The following PARP4 variants were observed in gnomAD, a reference collection of about 807,000 sequenced individuals.
PARP4 encodes the protein protein mono-ADP-ribosyltransferase PARP4.
PARP4 carries 120 observed loss-of-function variants against 187.7 expected under a neutral mutation model. The ratio of observed to expected loss-of-function variants is 0.64; its 90% CI spans 0.55 to 0.74. The LOEUF (loss-of-function observed/expected upper bound fraction) is 0.74, where lower values mean the gene tolerates loss of function less well. PARP4 is among the 30% of genes least tolerant of loss of function. The pLI is 0.00. For synonymous variants in PARP4, 654 were observed against 740.9 expected (o/e 0.88, Z 1.90); for missense variants, 1,836 against 2,070.5 (o/e 0.89, Z 2.20).
intron 20 of PARP4, among the ~76,000 whole-genome samples, chr13:24,458,504 G>C (rs1259354605): frequency 1.3e-5 from 2 of 151,966 alleles, no homozygotes; most frequent in Non-Finnish European, 2.9e-5. Context: ...TTGATCCAAG[G>C]AGGTCAAGGA....
At chr13:24,507,533 C>A (rs1869777460) in intron 1 of PARP4, among the ~76,000 whole-genome samples, 1 of 152,156 alleles carries the variant, frequency 6.6e-6, no homozygotes, top group South Asian at 2.1e-4. Flanking sequence ...CCCTGCACCC[C>A]CATCTCCTTC....
At chr13:24,452,925 T>A (rs1015235162) in intron 23 of PARP4, among the ~76,000 whole-genome samples, 7 of 139,202 alleles carry the variant, frequency 5.0e-5, no homozygotes, top group African/African-American at 1.8e-4. Flanking sequence ...TTTATTATTA[T>A]TTCATTTTAT....
At chr13:24,464,187 AG>A (rs1872342817) in intron 17 of PARP4, among the ~76,000 whole-genome samples, 1 of 152,232 alleles carries the variant, frequency 6.6e-6, no homozygotes, top group Non-Finnish European at 1.5e-5. Flanking sequence ...GCTCATGGAT[AG>A]GAAGAATCAA....
intron 6 of PARP4, among the ~76,000 whole-genome samples, 157 bp from the exon 7 acceptor site, chr13:24,494,879 C>CTTTTTTTTTTT (rs139965809): frequency 1.4e-5 from 2 of 146,540 alleles, no homozygotes; most frequent in African/African-American, 5.0e-5. Flanking sequence ...TTTTCTTTTT[C>CTTTTTTTTTTT]TTTTTTTTTT....
At chr13:24,456,560 A>C (rs1871865373) in intron 20 of PARP4, 82 bp from the exon 21 acceptor site, 1 of 1,297,370 alleles carries the variant, frequency 7.7e-7, no homozygotes, top group Non-Finnish European at 1.1e-6. Flanking sequence ...TCATGGAGCA[A>C]ACCCTTGCAT....
chr13:24,456,934 A>C (rs1189035421), intron 20 of PARP4, among the ~76,000 whole-genome samples: 1 of 152,060 alleles, frequency 6.6e-6, no homozygotes, highest in Non-Finnish European at 1.5e-5. Context: ...AACAAAAAAA[A>C]CAAAATAACA....
intron 1 of PARP4, among the ~76,000 whole-genome samples, chr13:24,507,011 C>CTG (rs1869737382): frequency 6.6e-6 from 1 of 152,222 alleles, no homozygotes. Context: ...GCCGGCACTG[C>CTG]TGGGGTACCC....
intron 32 of PARP4, among the ~76,000 whole-genome samples, chr13:24,429,750 T>C (rs555780698): frequency 1.8e-4 from 27 of 152,220 alleles, no homozygotes; most frequent in Non-Finnish European, 3.7e-4. Context: ...CCTGTATATG[T>C]AGAGGTTAGG....
At position 24,434,720 on chromosome 13, in the gene PARP4, T is replaced by C. The variant is rs201516713; in HGVS notation, c.4421A>G (p.Asn1474Ser). 2 of 1,614,036 alleles carry C rather than the reference T, an allele frequency of 1.2e-6. No homozygotes were observed. Among genetic ancestry groups the C allele is most frequent in the Non-Finnish European group, 1.7e-6 (2 of 1,179,990 alleles). ...FQPSAASLTANLRLPMASALP... is the reference protein window; with the variant it reads ...FQPSAASLTASLRLPMASALP... ...AGCAGAGGCCATTGGCAGCCTAAGG[T>C]TGGCAGTCAAAGAGGCTGCGGAAGG... is the stretch of plus-strand genomic sequence containing the variant. Residue 1474 changes from asparagine to serine, a missense_variant, in exon 31 of 34, where the codon AAC becomes AGC. Asn to Ser is a conservative substitution (Grantham distance 46). Coordinates refer to ENST00000381989, the MANE Select transcript of PARP4 (RefSeq NM_006437.4).
intron 22 of PARP4, among the ~76,000 whole-genome samples, chr13:24,453,933 G>A (rs1055656673): frequency 2.0e-5 from 3 of 152,048 alleles, no homozygotes; most frequent in African/African-American, 7.2e-5. Context: ...CTGGTCAACA[G>A]GGTGAAACCC....
chr13:24,505,394 A>G (rs1869578581), intron 1 of PARP4, among the ~76,000 whole-genome samples: 3 of 142,854 alleles, frequency 2.1e-5, no homozygotes, highest in Admixed American at 1.4e-4. Context: ...GATTTGTACA[A>G]TAAGGGTTCT....
chr13:24,426,891 C>CAAA (rs5802279), intron 32 of PARP4, among the ~76,000 whole-genome samples: 5 of 93,568 alleles, frequency 5.3e-5, no homozygotes, highest in Non-Finnish European at 8.5e-5. Flanking sequence ...GACTCTGTCT[C>CAAA]AAAAAAAAAA....
At chr13:24,454,988 A>AC in intron 22 of PARP4, 29 bp downstream of exon 22, 1 of 1,527,986 alleles carries the variant, frequency 6.5e-7, no homozygotes, top group Non-Finnish European at 8.9e-7. Context: ...GGGGAAGCAC[A>AC]CGCAGGACCA....
At chr13:24,476,174 T>C (rs1006945062) in intron 14 of PARP4, among the ~76,000 whole-genome samples, 11 of 151,974 alleles carry the variant, frequency 7.2e-5, no homozygotes, top group African/African-American at 2.7e-4. Context: ...GATTGGAGTT[T>C]CACTATGTTG....
Position 24,435,023 on chromosome 13 carries a change from C to A in PARP4, c.4118G>T (p.Cys1373Phe). Reference protein sequence around the residue: ...QFSQGPVPGTCADWIPQSASC... With the variant: ...QFSQGPVPGTFADWIPQSASC... ...CGCCGACTGTGGGATCCAGTCAGCA[C>A]AAGTGCCAGGCACAGGGCCTTGGCT... The change falls in exon 31 of 34, where the codon TGT (cysteine) becomes TTT (phenylalanine). Residue 1373 changes from cysteine to phenylalanine, a missense_variant. Cys to Phe is a radical substitution (Grantham distance 205). This residue lies in a region of PARP4 where 450 missense variants were observed against 439.2 expected (regional missense o/e 1.02). Coordinates refer to ENST00000381989, the MANE Select transcript of PARP4 (RefSeq NM_006437.4). The A allele has an allele frequency of 1.9e-6, 3 of 1,613,960 alleles. No homozygotes were observed. The highest frequency in any genetic ancestry group is 1.7e-5 in the Admixed American group (1 of 60,028).
intron 3 of PARP4, among the ~76,000 whole-genome samples, chr13:24,500,775 T>C (rs1024760471): frequency 9.9e-5 from 15 of 152,244 alleles, no homozygotes; most frequent in African/African-American, 3.6e-4. Context: ...GGGCTCTGCA[T>C]GAGCTTTTGC....
At chr13:24,490,595 T>C (rs1207853145) in intron 10 of PARP4, 73 bp downstream of exon 10, 4 of 1,131,804 alleles carry the variant, frequency 3.5e-6, no homozygotes, top group African/African-American at 1.5e-5. Flanking sequence ...GTAATTACTG[T>C]AATTAGCTCT....
chr13:24,461,384 G>A (rs1872208411), intron 17 of PARP4, among the ~76,000 whole-genome samples: 1 of 152,186 alleles, frequency 6.6e-6, no homozygotes, highest in Non-Finnish European at 1.5e-5. Flanking sequence ...TTTCTGGGTA[G>A]GATATAGGTG....
intron 2 of PARP4, among the ~76,000 whole-genome samples, chr13:24,502,663 G>A (rs1353720648): frequency 6.6e-6 from 1 of 152,214 alleles, no homozygotes; most frequent in Non-Finnish European, 1.5e-5. Flanking sequence ...CCACAAAGTT[G>A]CACTCACAGT....
Sources: allele counts gnomAD v4.1 joint callset (sites outside exome capture counted in the v4.1 genomes callset), GRCh38; gene constraint gnomAD v4.1.1; regional missense constraint gnomAD v4.1.1; transcripts MANE v1.5; gene names NCBI Gene and HGNC (gene_info 2026-07-23, HGNC 2026-07-21).